KAT6B: variants seen among roughly 807,000 people sequenced by gnomAD.
KAT6B encodes the protein histone acetyltransferase KAT6B.
Under a neutral mutation model 187.5 loss-of-function variants are expected in KAT6B, and 10 were observed. The observed-to-expected ratio is 0.05, with a 90% CI of 0.03 to 0.09. The LOEUF (loss-of-function observed/expected upper bound fraction) is 0.09, where lower values mean the gene tolerates loss of function less well. Ranked by LOEUF, KAT6B falls within the 10% of genes least tolerant of loss-of-function variation. KAT6B has a pLI of 1.00. For synonymous variants in KAT6B, 861 were observed against 926.8 expected (o/e 0.93, Z 1.29); for missense variants, 1,952 against 2,558.9 (o/e 0.76, Z 5.12).
At chr10:74,889,296 G>T (rs978075709) in intron 3 of KAT6B, among the ~76,000 whole-genome samples, 1 of 152,072 alleles carries the variant, frequency 6.6e-6, no homozygotes, top group Non-Finnish European at 1.5e-5. Flanking sequence ...ACAAGATAAG[G>T]TTGCCTGGAT....
intron 3 of KAT6B, among the ~76,000 whole-genome samples, chr10:74,857,420 A>T (rs1842891878): frequency 6.6e-6 from 1 of 152,188 alleles, no homozygotes; most frequent in African/African-American, 2.4e-5. Context: ...GTTCTTTCAC[A>T]GTCACATCTG....
chr10:74,928,243 T>G (rs945130361), intron 3 of KAT6B, among the ~76,000 whole-genome samples: 4 of 152,222 alleles, frequency 2.6e-5, no homozygotes, highest in Non-Finnish European at 4.4e-5. Flanking sequence ...TTTCTCTGGT[T>G]AAAATTATCA....
At chr10:74,883,306 A>G (rs893791278) in intron 3 of KAT6B, among the ~76,000 whole-genome samples, 2 of 152,188 alleles carry the variant, frequency 1.3e-5, no homozygotes, top group Admixed American at 6.5e-5. Context: ...CCAGAGGAGA[A>G]GATACAGTTT....
At chr10:74,946,505 CA>C (rs1320298158) in intron 3 of KAT6B, among the ~76,000 whole-genome samples, 2 of 151,980 alleles carry the variant, frequency 1.3e-5, no homozygotes, top group African/African-American at 4.8e-5. Context: ...ATAGAGAGAA[CA>C]AATAAAATTT....
At chr10:75,026,165 G>T (rs1488631956) in intron 17 of KAT6B, 1 of 128,714 alleles carries the variant, frequency 7.8e-6, no homozygotes, top group East Asian at 2.5e-4. Flanking sequence ...AAAAAAAAAA[G>T]GAACCATCTA....
At chr10:74,875,474 CTTTTTTTT>C (rs553387866) in intron 3 of KAT6B, among the ~76,000 whole-genome samples, 34 of 138,982 alleles carry the variant, frequency 2.4e-4, no homozygotes, top group South Asian at 1.1e-3. Flanking sequence ...TCCTTTTTTT[CTTTTTTTT>C]TTTTTTTCCC....
chr10:74,960,555 A>G (rs908190167), intron 4 of KAT6B, among the ~76,000 whole-genome samples: 6 of 107,752 alleles, frequency 5.6e-5, no homozygotes, highest in Middle Eastern at 4.1e-3. Context: ...AGTAATCTCT[A>G]AAAAAAAAAA....
At chr10:74,992,850 C>T (rs1185418497) in intron 13 of KAT6B, among the ~76,000 whole-genome samples, 1 of 152,176 alleles carries the variant, frequency 6.6e-6, no homozygotes, top group Non-Finnish European at 1.5e-5. Flanking sequence ...GTAAAGGGCA[C>T]CAACTCCCAA....
At chr10:74,986,227 A>G (rs1480082142) in intron 12 of KAT6B, among the ~76,000 whole-genome samples, 3 of 152,166 alleles carry the variant, frequency 2.0e-5, no homozygotes, top group Non-Finnish European at 4.4e-5. Context: ...CTCCTTTGCA[A>G]TAAAGGAAAA....
chr10:74,954,802 C>G (rs1840561835), intron 3 of KAT6B, among the ~76,000 whole-genome samples: 2 of 152,110 alleles, frequency 1.3e-5, no homozygotes, highest in Non-Finnish European at 1.5e-5. Flanking sequence ...TTTTTGCTCG[C>G]CTATTCACTT....
intron 13 of KAT6B, among the ~76,000 whole-genome samples, chr10:75,014,970 A>G (rs574975662): frequency 2.0e-5 from 3 of 152,328 alleles, no homozygotes; most frequent in East Asian, 3.9e-4. Context: ...GCTTCAGAGC[A>G]GGGTTCTAGT....
chr10:74,969,897 C>A, intron 5 of KAT6B, 122 bp downstream of exon 5: 1 of 983,908 alleles, frequency 1.0e-6, no homozygotes, highest in South Asian at 1.4e-5. Flanking sequence ...TGATGTCAAA[C>A]TGCAACCAGG....
chr10:74,844,527 T>A lies in KAT6B; in HGVS notation c.621+1049T>A, dbSNP rs1182847734. Among the ~76,000 whole-genome samples the A allele has an allele frequency of 2.0e-5, 3 of 152,360 alleles. No homozygotes were observed. In the East Asian group the frequency reaches 5.8e-4, roughly 29 times the overall value. On this transcript the variant is annotated intron_variant, in intron 3 of 17. Coordinates refer to ENST00000287239, the MANE Select transcript of KAT6B (RefSeq NM_012330.4). ...AATCTATGCATGTAAGAAGTTATTT[T>A]AATACGTCACCTAAATCCCTCATTT...
Position 74,826,777 on chromosome 10 carries a change from C to G in KAT6B, c.-337C>G, listed in dbSNP as rs1458028531. The G allele has an allele frequency of 6.6e-6, 1 of 151,410 alleles. No individual in the cohort carries two copies. The highest frequency in any genetic ancestry group is 1.5e-5 in the Non-Finnish European group (1 of 67,712). 9.4% of individuals were successfully genotyped at this position (151,410 alleles called of 1,614,324 possible). A position where few individuals can be genotyped will look rare whatever the true frequency, so the allele number is the denominator to read the frequency against. ...CCCGGCAGGCGCGGTGGCGGTGGCG[C>G]GCAGCCAGGTCTGTCACCCACCCCG... On this transcript the variant is annotated 5_prime_UTR_variant, in exon 1 of 18. Transcript: ENST00000287239.
At chr10:74,871,119 T>C (rs1160401702) in intron 3 of KAT6B, among the ~76,000 whole-genome samples, 2 of 145,168 alleles carry the variant, frequency 1.4e-5, no homozygotes, top group East Asian at 4.1e-4. Context: ...TGACCTCACG[T>C]GATCCACCTG....
Position 75,031,070 on chromosome 10 carries a change from C to G in KAT6B, c.*24C>G, listed in dbSNP as rs761148609. 1.8e-5 allele frequency: 29 copies of G among 1,613,120 alleles called. No individual in the cohort carries two copies. Among genetic ancestry groups the G allele is most frequent in the Non-Finnish European group, 2.4e-5 (28 of 1,179,610 alleles). ...AGACAACGTGGGCAGTCCACAAAAC[C>G]TACGGGGCATCACTATTGGATTGAT... On this transcript the variant is annotated 3_prime_UTR_variant, in exon 18 of 18. Transcript: ENST00000287239.
chr10:75,019,974 A>G (rs1845270435), intron 13 of KAT6B, among the ~76,000 whole-genome samples: 1 of 152,192 alleles, frequency 6.6e-6, no homozygotes, highest in Non-Finnish European at 1.5e-5. Context: ...GAAAGAGGTG[A>G]AAATGGAGCT....
At chr10:75,012,648 C>T (rs994682463) in intron 13 of KAT6B, among the ~76,000 whole-genome samples, 5 of 152,294 alleles carry the variant, frequency 3.3e-5, no homozygotes, top group South Asian at 4.1e-4. Context: ...AGTCCCCTTT[C>T]GTGCTGCCTG....
chr10:74,860,347 A>G (rs1228142517), intron 3 of KAT6B, among the ~76,000 whole-genome samples: 1 of 152,210 alleles, frequency 6.6e-6, no homozygotes, highest in Non-Finnish European at 1.5e-5. Flanking sequence ...AGGCTGTACA[A>G]AAAACATGCA....
Sources: gnomAD v4.1 joint callset for allele counts (sites outside exome capture counted in the v4.1 genomes callset) on GRCh38, gnomAD v4.1.1 for gene constraint, MANE v1.5 for transcripts, NCBI Gene and HGNC (gene_info 2026-07-23, HGNC 2026-07-21) for gene names.